Variants in C3orf49 observed in about 807,000 individuals in gnomAD.
The protein encoded by C3orf49 is chromosome 3 open reading frame 49, also known as putative uncharacterized protein C3orf49.
In C3orf49, 27 loss-of-function variants were observed where a neutral mutation model predicts 13.3. The observed-to-expected ratio is 2.02, with a 90% confidence interval of 1.49 to 2.79. The LOEUF is 2.79. Ranked by LOEUF, C3orf49 falls within the 30% of genes most tolerant of loss-of-function variation. The pLI is 0.00. For missense variants in C3orf49, 242 were observed against 134.2 expected, an observed-to-expected ratio of 1.80 and a Z score of -3.97; for synonymous variants, 87 against 47.6, an observed-to-expected ratio of 1.83 and a Z score of -3.40.
upstream of C3orf49, among the ~76,000 whole-genome samples, chr3:63,816,663 T>G (rs1302710118): frequency 6.6e-6 from 1 of 151,714 alleles, no homozygotes; most frequent in Non-Finnish European, 1.5e-5. Context: ...AAACCTTTAA[T>G]TTGATCTATA....
At chr3:63,792,600 C>A in the C3orf49 span, among the ~76,000 whole-genome samples, 6 of 152,146 alleles carry the variant, frequency 3.9e-5, no homozygotes, top group Admixed American at 3.9e-4. Flanking sequence ...ATTAATCTCT[C>A]AAGTGGTTCT....
chr3:63,827,053 C>T (rs1434408901), intron 2 of C3orf49: 1 of 152,028 alleles, frequency 6.6e-6, no homozygotes, highest in Admixed American at 6.6e-5. Context: ...GTTTACCATA[C>T]TAGTCTTAAA....
At chr3:63,789,746 G>T in the C3orf49 span, among the ~76,000 whole-genome samples, 67 of 150,140 alleles carry the variant, frequency 4.5e-4, 1 homozygote, top group South Asian at 7.9e-3. Context: ...TGGGGGCAGA[G>T]GTTGCAGTGA....
chr3:63,808,756 A>G, the C3orf49 span, among the ~76,000 whole-genome samples: 1 of 152,178 alleles, frequency 6.6e-6, no homozygotes. Context: ...CACAAGGATG[A>G]ATAGGGCCTC....
chr3:63,793,798 G>A, the C3orf49 span, among the ~76,000 whole-genome samples: 1 of 151,978 alleles, frequency 6.6e-6, no homozygotes, highest in African/African-American at 2.4e-5. Context: ...AGAGATTTTT[G>A]TCTGTTTCCT....
upstream of C3orf49, among the ~76,000 whole-genome samples, chr3:63,818,971 G>C (rs1463428572): frequency 6.6e-6 from 1 of 152,216 alleles, no homozygotes; most frequent in Non-Finnish European, 1.5e-5. Context: ...AGCTGTAACT[G>C]AGAGATCTAA....
chr3:63,824,667 T>A (rs1385418311), intron 2 of C3orf49, among the ~76,000 whole-genome samples: 3 of 151,816 alleles, frequency 2.0e-5, no homozygotes, highest in Non-Finnish European at 4.4e-5. Flanking sequence ...GGTGAAACCA[T>A]CTCTACAAAA....
the C3orf49 span, among the ~76,000 whole-genome samples, chr3:63,781,065 A>G: frequency 2.7e-5 from 4 of 150,812 alleles, no homozygotes; most frequent in Non-Finnish European, 4.4e-5. Context: ...GTCCTTGCCC[A>G]TGCCTATGTC....
At chr3:63,823,694 C>T (rs934664816) in intron 2 of C3orf49, 125 bp downstream of exon 2, 2 of 608,610 alleles carry the variant, frequency 3.3e-6, no homozygotes, top group Non-Finnish European at 5.8e-6. Flanking sequence ...GAATCTCAGG[C>T]CCTACCTGGG....
At chr3:63,833,103 T>G (rs1043574683) in intron 5 of C3orf49, among the ~76,000 whole-genome samples, 1 of 151,974 alleles carries the variant, frequency 6.6e-6, no homozygotes, top group Admixed American at 6.6e-5. Context: ...CAATCTTTTT[T>G]TTTTTTTTTT....
chr3:63,837,896 T>C, intron 5 of C3orf49: 1 of 1,300,452 alleles, frequency 7.7e-7, no homozygotes. Flanking sequence ...CTGCAGATTT[T>C]ACCTCACAAC....
chr3:63,802,413 T>G, the C3orf49 span, among the ~76,000 whole-genome samples: 4 of 152,232 alleles, frequency 2.6e-5, no homozygotes, highest in Non-Finnish European at 4.4e-5. Context: ...TAGAACAGTA[T>G]TTCCATCCTT....
chr3:63,825,384 G>A (rs1189610489), intron 2 of C3orf49, among the ~76,000 whole-genome samples: 2 of 152,116 alleles, frequency 1.3e-5, no homozygotes, highest in East Asian at 1.9e-4. Flanking sequence ...TCTGGAAAAA[G>A]CAGTCATTAA....
the C3orf49 span, among the ~76,000 whole-genome samples, chr3:63,802,725 G>T: frequency 6.6e-6 from 1 of 152,112 alleles, no homozygotes; most frequent in African/African-American, 2.4e-5. Context: ...GAATCTTCTT[G>T]CTAATCCCTG....
the C3orf49 span, among the ~76,000 whole-genome samples, chr3:63,797,743 G>T: frequency 1.3e-5 from 2 of 152,108 alleles, no homozygotes; most frequent in Admixed American, 1.3e-4. Flanking sequence ...TTTTCATTTT[G>T]TTCAGCCTTT....
rs147330000 is a variant in C3orf49, at chr3:63,829,597, T to C, written c.571-1513T>C. On this transcript the variant is annotated intron_variant, in intron 3 of 6. Coordinates refer to ENST00000295896, the MANE Select transcript of C3orf49 (RefSeq NM_001355236.2). ...TGATTAAGAATTTCTGTCCATCAAATGGTGTTAGATCAGAGGTTGTCAACT... is the reference window on the plus strand; with the variant it reads ...TGATTAAGAATTTCTGTCCATCAAACGGTGTTAGATCAGAGGTTGTCAACT... 2.6e-5 allele frequency among the ~76,000 whole-genome samples: 4 copies of C among 152,232 alleles called. No individual in the cohort carries two copies. The East Asian group carries it at 7.7e-4, about 29-fold the overall frequency.
At chr3:63,804,090 G>A in the C3orf49 span, among the ~76,000 whole-genome samples, 1 of 151,986 alleles carries the variant, frequency 6.6e-6, no homozygotes, top group African/African-American at 2.4e-5. Flanking sequence ...GACAGGAGGC[G>A]GAGCTCAGGA....
upstream of C3orf49, among the ~76,000 whole-genome samples, chr3:63,818,882 C>G (rs944375343): frequency 1.3e-5 from 2 of 152,102 alleles, no homozygotes; most frequent in African/African-American, 4.8e-5. Context: ...TGAAAACCAC[C>G]CTTGGGGTAC....
chr3:63,791,958 T>C, the C3orf49 span, among the ~76,000 whole-genome samples: 1 of 152,214 alleles, frequency 6.6e-6, no homozygotes, highest in Non-Finnish European at 1.5e-5. Flanking sequence ...AATTCTTGAT[T>C]TCTTTTCGTA....
Sources: gnomAD v4.1 joint callset for allele counts (sites outside exome capture counted in the v4.1 genomes callset) on GRCh38, gnomAD v4.1.1 for gene constraint, MANE v1.5 for transcripts, NCBI Gene and HGNC (gene_info 2026-07-23, HGNC 2026-07-21) for gene names.